ADGRB1: variants seen among roughly 807,000 people sequenced by gnomAD.
ADGRB1 encodes adhesion G protein-coupled receptor B1.
In ADGRB1, 36 loss-of-function variants were observed where a neutral mutation model predicts 175.7. The observed-to-expected ratio is 0.20, with a 90% confidence interval of 0.16 to 0.27. ADGRB1 has a LOEUF of 0.27. Ranked by LOEUF, ADGRB1 falls within the 10% of genes least tolerant of loss-of-function variation. ADGRB1 has a pLI of 1.00. For missense variants in ADGRB1, 1,731 were observed against 2,255.3 expected (o/e 0.77, Z 4.71); for synonymous variants, 1,054 against 979.4 (o/e 1.08, Z -1.42).
In ADGRB1 at chr8:142,449,784, C is replaced by A. The variant is rs1400735938; in HGVS notation, c.-540C>A. On this transcript the variant is annotated 5_prime_UTR_variant, in exon 1 of 31. Transcript: ENST00000517894. The stretch of plus-strand genomic sequence containing the variant: ...GAGCGCGGAGCCGGAGAGCCGGGAG[C>A]ACAGGCGGCCGCGCCGCGTCCTGGC... 1.4e-5 allele frequency: 2 copies of A among 146,610 alleles called. No individual in the cohort carries two copies. Among genetic ancestry groups the A allele is most frequent in the Admixed American group, 1.4e-4 (2 of 14,706 alleles). The allele number at this position is 146,610 out of a possible 1,614,324, so 9.1% of individuals were successfully genotyped here.
In ADGRB1 at chr8:142,484,049, G is replaced by C. The variant is rs1841530617; in HGVS notation, c.2199+4G>C. The C allele has an allele frequency of 6.2e-7, 1 of 1,609,152 alleles. No individual in the cohort carries two copies. The highest frequency in any genetic ancestry group is 8.5e-7 in the Non-Finnish European group (1 of 1,178,448). On this transcript the variant is annotated splice_donor_region_variant and intron_variant, in intron 12 of 30. Transcript: ENST00000517894. ...CAAGTGGGAGGAGGCCCAGCTGGTA[G>C]GGCCTGGGGCCCCTACGGTCAGCAG...
At chr8:142,528,256 A>G (rs1053027579) in intron 24 of ADGRB1, among the ~76,000 whole-genome samples, 4 of 152,166 alleles carry the variant, frequency 2.6e-5, no homozygotes, top group Non-Finnish European at 4.4e-5. Context: ...CCCTCTGGGA[A>G]TTTTGCCGCT....
rs984289299 is a variant in ADGRB1, at chr8:142,504,165, G to A, written c.2676-6767G>A. ...TTGCCCCCAGGCCCTGAGCTTGGAGGGGCTAGAGCTGACCCAGGCCTGCCC... is the reference window on the plus strand; with the variant it reads ...TTGCCCCCAGGCCCTGAGCTTGGAGAGGCTAGAGCTGACCCAGGCCTGCCC... On this transcript the variant is annotated intron_variant, in intron 17 of 30. Transcript: ENST00000517894. This position sits in a 1 kb window ranked among gnomAD's most constrained non-coding sequence, Gnocchi z 5.6. Among the ~76,000 whole-genome samples the A allele has an allele frequency of 1.3e-5, 2 of 152,230 alleles. No individual in the cohort carries two copies. The highest frequency in any genetic ancestry group is 4.8e-5 in the African/African-American group (2 of 41,460).
At chr8:142,533,238 C>A in intron 24 of ADGRB1, 57 bp from the exon 25 acceptor site, 1 of 1,441,394 alleles carries the variant, frequency 6.9e-7, no homozygotes. Flanking sequence ...GGGTTCAGGG[C>A]AGGGTGTCCC....
At position 142,475,623 on chromosome 8, in the gene ADGRB1, G is replaced by A; in HGVS notation, c.934G>A (p.Glu312Lys). ...GGAGGAGGGTCGCCAGTGCAACCGCGAGGCCTGCGGCCGTGAGTGCGGGCG... is the reference window on the plus strand; with the variant it reads ...GGAGGAGGGTCGCCAGTGCAACCGCAAGGCCTGCGGCCGTGAGTGCGGGCG... ...VLEEGRQCNREACGPAGRTSS... is the reference protein window; with the variant it reads ...VLEEGRQCNRKACGPAGRTSS... The change falls in exon 3 of 31, where the codon GAG becomes AAG. Residue 312 changes from glutamate to lysine, a missense_variant. Glu to Lys is a moderately conservative substitution (Grantham distance 56). Transcript: ENST00000517894. 8.1e-7 allele frequency: 1 copy of A among 1,231,408 alleles called. No homozygotes were observed. The highest frequency in any genetic ancestry group is 4.1e-5 in the South Asian group (1 of 24,394). 76.3% of individuals were successfully genotyped at this position (1,231,408 alleles called of 1,614,324 possible).
Position 142,474,110 on chromosome 8 carries a change from G to A in ADGRB1, c.785-1364G>A, listed in dbSNP as rs1840805372. ...GCCAGTGGGTGGTGGGGCCACTGGG[G>A]GAATCTGGCAGCTGGAGCTACCCTG... On this transcript the variant is annotated intron_variant, in intron 2 of 30. Coordinates refer to ENST00000517894, the MANE Select transcript of ADGRB1 (RefSeq NM_001702.3). The surrounding 1 kb of genome is among the most constrained non-coding windows in gnomAD (Gnocchi z 5.8). Among the ~76,000 whole-genome samples, 1 of 152,196 alleles carries A rather than the reference G, an allele frequency of 6.6e-6. No individual in the cohort carries two copies.
chr8:142,451,702 G>C (rs1389775288), intron 1 of ADGRB1, among the ~76,000 whole-genome samples: 1 of 152,174 alleles, frequency 6.6e-6, no homozygotes, highest in Non-Finnish European at 1.5e-5. Flanking sequence ...GGGAACAGCA[G>C]AGGCCGCGCG....
chr8:142,532,119 T>A (rs1439939198), intron 24 of ADGRB1, among the ~76,000 whole-genome samples: 1 of 152,086 alleles, frequency 6.6e-6, no homozygotes, highest in African/African-American at 2.4e-5. Context: ...TATTCAGTCC[T>A]CCTGCCCCAG....
chr8:142,476,635 C>T lies in ADGRB1; in HGVS notation c.997C>T (p.Arg333Trp), dbSNP rs1226741383. Reference sequence around the variant, plus strand: ...CCAGTCCCTGCGGTCCACAGATGCCCGGCGGCGCGAGGAGCTGGGGGACGA... The same window carrying T: ...CCAGTCCCTGCGGTCCACAGATGCCTGGCGGCGCGAGGAGCTGGGGGACGA... ...RSQSLRSTDA[R>W]RREELGDELQ... Residue 333 changes from arginine to tryptophan, a missense_variant, in exon 4 of 31, where the codon CGG becomes TGG. Transcript: ENST00000517894. 7.7e-6 allele frequency: 12 copies of T among 1,548,506 alleles called. No individual in the cohort carries two copies. The highest frequency in any genetic ancestry group is 2.0e-5 in the Admixed American group (1 of 50,940).
In ADGRB1 at chr8:142,544,153, C is replaced by G. The variant is rs893297427; in HGVS notation, c.4558-67C>G. 2.9e-5 allele frequency: 44 copies of G among 1,507,056 alleles called. No homozygotes were observed. The East Asian group carries it at 5.4e-4, about 19-fold the overall frequency. The allele number at this position is 1,507,056 out of a possible 1,614,324, so 93.4% of individuals were successfully genotyped here. A position where few individuals can be genotyped will look rare whatever the true frequency, so the allele number is the denominator to read the frequency against. ...ACTGATTCGTGTCTGCCTCCTCCCC[C>G]CTACTCCTCGGGCTCATGGCTCTCC... On this transcript the variant is annotated intron_variant, in intron 30 of 30. Transcript: ENST00000517894.
chr8:142,543,547 A>G lies in ADGRB1; in HGVS notation c.4450-54A>G. The G allele has an allele frequency of 6.3e-7, 1 of 1,582,702 alleles. No homozygotes were observed. Among genetic ancestry groups the G allele is most frequent in the Non-Finnish European group, 8.6e-7 (1 of 1,163,454 alleles). ...CCAGGGGACGGGCGGGGCAGGCAGG[A>G]TGGGCCATGCCCTCCTCCTGGCCCA... On this transcript the variant is annotated intron_variant, in intron 29 of 30. Coordinates refer to ENST00000517894, the MANE Select transcript of ADGRB1 (RefSeq NM_001702.3). The surrounding 1 kb of genome is among the most constrained non-coding windows in gnomAD (Gnocchi z 4.4).
intron 17 of ADGRB1, among the ~76,000 whole-genome samples, chr8:142,494,886 G>T (rs1182157707): frequency 6.6e-6 from 1 of 152,144 alleles, no homozygotes; most frequent in Non-Finnish European, 1.5e-5. Flanking sequence ...AAAGCGGGGG[G>T]TGGGGGTTGC....
At position 142,542,060 on chromosome 8, in the gene ADGRB1, T is replaced by G; in HGVS notation, c.3826T>G (p.Phe1276Val). 1.2e-6 allele frequency: 2 copies of G among 1,612,806 alleles called. No individual in the cohort carries two copies. Among genetic ancestry groups the G allele is most frequent in the Non-Finnish European group, 1.7e-6 (2 of 1,179,748 alleles). ...CCATGCCAAGGGGCCGCCCACCAAT[T>G]TCAACAGCCTGCCGGCCAACGTGTC... is the stretch of plus-strand genomic sequence containing the variant. The part of the protein sequence containing the change: ...LAHAKGPPTN[F>V]NSLPANVSKL... The change falls in exon 28 of 31, where the codon TTC becomes GTC. Residue 1276 changes from phenylalanine (F) to valine (V), a missense_variant. This residue lies in a region of ADGRB1 where 301 missense variants were observed against 488.4 expected (regional missense o/e 0.62). Coordinates refer to ENST00000517894, the MANE Select transcript of ADGRB1 (RefSeq NM_001702.3). The surrounding 1 kb of genome is among the most constrained non-coding windows in gnomAD (Gnocchi z 6.3).
At chr8:142,527,310 C>G (rs1844264679) in intron 24 of ADGRB1, among the ~76,000 whole-genome samples, 1 of 152,180 alleles carries the variant, frequency 6.6e-6, no homozygotes, top group South Asian at 2.1e-4. Context: ...GCCTGCTGTT[C>G]TGTGTCATCC....
chr8:142,542,672 A>G lies in ADGRB1; in HGVS notation c.4413+25A>G, dbSNP rs1587454842. The G allele has an allele frequency of 6.6e-7, 1 of 1,521,734 alleles. No individual in the cohort carries two copies. Among genetic ancestry groups the G allele is most frequent in the Non-Finnish European group, 8.8e-7 (1 of 1,133,172 alleles). The allele number at this position is 1,521,734 out of a possible 1,614,324, so 94.3% of individuals were successfully genotyped here. A position where few individuals can be genotyped will look rare whatever the true frequency, so the allele number is the denominator to read the frequency against. On this transcript the variant is annotated intron_variant, in intron 28 of 30. Coordinates refer to ENST00000517894, the MANE Select transcript of ADGRB1 (RefSeq NM_001702.3). This position sits in a 1 kb window ranked among gnomAD's most constrained non-coding sequence, Gnocchi z 6.3. Reference sequence around the variant, plus strand: ...GGTGAGGGGGGCAGGGGTGGGCCACACCCCAGCCAGCGAGGGCAGGGCTGC... The same window carrying G: ...GGTGAGGGGGGCAGGGGTGGGCCACGCCCCAGCCAGCGAGGGCAGGGCTGC...
rs373750395 is a variant in ADGRB1, at chr8:142,502,469, A to AT, written c.2676-8463_2676-8462insT. Among the ~76,000 whole-genome samples the AT allele has an allele frequency of 2.8e-4, 2 of 7,020 alleles. 1 individual carries two copies. Among genetic ancestry groups the AT allele is most frequent in the Non-Finnish European group, 5.3e-4 (2 of 3,744 alleles). 4.6% of individuals were successfully genotyped at this position (7,020 alleles called of 152,430 possible). On this transcript the variant is annotated intron_variant, in intron 17 of 30. Coordinates refer to ENST00000517894, the MANE Select transcript of ADGRB1 (RefSeq NM_001702.3). Reference sequence around the variant, plus strand: ...GTGATGATGGGGTGGTGCAGTCATCACTGTGGTTTTGATGATGACAGTGGT... The same window carrying AT: ...GTGATGATGGGGTGGTGCAGTCATCATCTGTGGTTTTGATGATGACAGTGGT...
At chr8:142,475,970 C>A (rs1366372074) in intron 3 of ADGRB1, among the ~76,000 whole-genome samples, 2 of 146,912 alleles carry the variant, frequency 1.4e-5, no homozygotes, top group Admixed American at 6.8e-5. Flanking sequence ...GTGCTTGGGG[C>A]TGGGTGGGAC....
In ADGRB1 at chr8:142,464,648, G is replaced by A. The variant is rs933507393; in HGVS notation, c.450G>A (p.Pro150=). Residue 150 remains proline (P), a synonymous_variant, in exon 2 of 31, where the codon CCG becomes CCA. Transcript: ENST00000517894. ...TCCTGCAGATGCGGCGCCAGCAGCCGCCCCAGCACGACGGGCTCCGGCCCC... is the reference window on the plus strand; with the variant it reads ...TCCTGCAGATGCGGCGCCAGCAGCCACCCCAGCACGACGGGCTCCGGCCCC... ...KQFLQMRRQQ[P]PQHDGLRPRA... 2 of 1,519,042 alleles carry A rather than the reference G, an allele frequency of 1.3e-6. No individual in the cohort carries two copies. Among genetic ancestry groups the A allele is most frequent in the Non-Finnish European group, 1.8e-6 (2 of 1,138,726 alleles). 94.1% of individuals were successfully genotyped at this position (1,519,042 alleles called of 1,614,324 possible). A position where few individuals can be genotyped will look rare whatever the true frequency, so the allele number is the denominator to read the frequency against.
Position 142,521,389 on chromosome 8 carries a change from T to C in ADGRB1, c.3024+464T>C, listed in dbSNP as rs1843839611. Among the ~76,000 whole-genome samples, 4 of 152,174 alleles carry C rather than the reference T, an allele frequency of 2.6e-5. No individual in the cohort carries two copies. The South Asian group carries it at 8.3e-4, about 31-fold the overall frequency. ...CCTCCCCAGACCCCCTATCCCTGGT[T>C]CCTACCCTGTGGTCTCCAGCCCCAT... is the stretch of plus-strand genomic sequence containing the variant. On this transcript the variant is annotated intron_variant, in intron 20 of 30. Coordinates refer to ENST00000517894, the MANE Select transcript of ADGRB1 (RefSeq NM_001702.3).
Sources: allele counts gnomAD v4.1 joint callset (sites outside exome capture counted in the v4.1 genomes callset), GRCh38; gene constraint gnomAD v4.1.1; regional missense constraint gnomAD v4.1.1; non-coding constraint Gnocchi (gnomAD v3.1); transcripts MANE v1.5; gene names NCBI Gene and HGNC (gene_info 2026-07-23, HGNC 2026-07-21).